STMN2: variants seen among roughly 807,000 people sequenced by gnomAD.
STMN2 encodes stathmin 2.
STMN2 carries 2 observed loss-of-function variants against 24.1 expected under a neutral mutation model. That is an observed-to-expected ratio of 0.08 (90% CI 0.03 to 0.26). The LOEUF is 0.26. Among genes scored for constraint, STMN2 ranks in the 10% least tolerant of loss-of-function variants. STMN2 has a pLI of 1.00. For missense variants in STMN2, 114 were observed against 213.6 expected (o/e 0.53, Z 2.91); for synonymous variants, 83 against 77.5 (o/e 1.07, Z -0.37).
At chr8:79,654,691 C>T (rs1410722572) in intron 3 of STMN2, among the ~76,000 whole-genome samples, 180 bp from the exon 4 acceptor site, 1 of 152,164 alleles carries the variant, frequency 6.6e-6, no homozygotes, top group East Asian at 1.9e-4. Context: ...AACCGCATTT[C>T]CCAACTAGCC....
rs760793798 is a variant in STMN2, at chr8:79,641,354, C to G, written c.116-24C>G. 1.9e-6 allele frequency: 3 copies of G among 1,607,524 alleles called. No individual in the cohort carries two copies. The South Asian group carries it at 3.3e-5, about 18-fold the overall frequency. On this transcript the variant is annotated intron_variant, in intron 2 of 4. Coordinates refer to ENST00000220876, the MANE Select transcript of STMN2 (RefSeq NM_007029.4). ...CATGCTGCAAGCTTTGTATGCTTAA[C>G]ATTCTCAAATGTTCACTTTTCAGAT... is the stretch of plus-strand genomic sequence containing the variant.
At chr8:79,638,581 A>G (rs1009064889) in intron 2 of STMN2, among the ~76,000 whole-genome samples, 21 of 152,242 alleles carry the variant, frequency 1.4e-4, no homozygotes, top group African/African-American at 5.1e-4. Context: ...GGCAAACATT[A>G]TAACAATAAA....
rs78451379 is a variant in STMN2 at position 79,620,958 on chromosome 8, C to A, written c.19+9744C>A. 1.1e-5 allele frequency: 11 copies of A among 985,164 alleles called. No homozygotes were observed. In the East Asian group the frequency reaches 9.1e-4, roughly 82 times the overall value. 61.0% of individuals were successfully genotyped at this position (985,164 alleles called of 1,614,324 possible). A position where few individuals can be genotyped will look rare whatever the true frequency, so the allele number is the denominator to read the frequency against. On this transcript the variant is annotated intron_variant, in intron 1 of 4. Coordinates refer to ENST00000220876, the MANE Select transcript of STMN2 (RefSeq NM_007029.4). ...AACCACACTTGGAGTAGACCTAAAA[C>A]AGCAGTGACCTGTAGGGTCCCCAAG...
At chr8:79,613,143 T>G (rs956916972) in intron 1 of STMN2, among the ~76,000 whole-genome samples, 36 of 151,910 alleles carry the variant, frequency 2.4e-4, no homozygotes, top group African/African-American at 7.5e-4. Context: ...GGGCTTTTTT[T>G]CCCCCAGCCC....
In STMN2 at chr8:79,617,548, A is replaced by T. The variant is rs528454012; in HGVS notation, c.19+6334A>T. On this transcript the variant is annotated intron_variant, in intron 1 of 4. Transcript: ENST00000220876. ...TTTCAGGGTCTCTCAGAAGCTGGGA[A>T]ACTTTCCATTTTTGCAATTTCTTGT... is the stretch of plus-strand genomic sequence containing the variant. 2.6e-5 allele frequency among the ~76,000 whole-genome samples: 4 copies of T among 152,328 alleles called. No individual in the cohort carries two copies. In the South Asian group the frequency reaches 8.3e-4, roughly 32 times the overall value.
At position 79,636,470 on chromosome 8, in the gene STMN2, C is replaced by T. The variant is rs148290476; in HGVS notation, c.20-332C>T. 2.2e-3 allele frequency among the ~76,000 whole-genome samples: 342 copies of T among 152,272 alleles called. 2 individuals are homozygous for T. Among genetic ancestry groups the T allele is most frequent in the African/African-American group, 7.9e-3 (328 of 41,546 alleles). On this transcript the variant is annotated intron_variant, in intron 1 of 4. Coordinates refer to ENST00000220876, the MANE Select transcript of STMN2 (RefSeq NM_007029.4). ...GAGCCTCTCTCTCTGGTAATCATGT[C>T]TGCTTCCACTAATTCCATCTGTTTC...
At chr8:79,634,318 G>C (rs1286439991) in intron 1 of STMN2, among the ~76,000 whole-genome samples, 5 of 151,816 alleles carry the variant, frequency 3.3e-5, no homozygotes, top group Middle Eastern at 3.4e-3. Context: ...TTCATTAACT[G>C]AATAAACAAA....
chr8:79,660,320 G>A (rs1432036182), intron 4 of STMN2, among the ~76,000 whole-genome samples: 1 of 152,138 alleles, frequency 6.6e-6, no homozygotes, highest in Non-Finnish European at 1.5e-5. Context: ...CTTAGTCAAT[G>A]CCAAGACTTC....
At chr8:79,664,084 T>A (rs1031308293) in intron 4 of STMN2, among the ~76,000 whole-genome samples, 4 of 152,138 alleles carry the variant, frequency 2.6e-5, no homozygotes, top group Non-Finnish European at 4.4e-5. Flanking sequence ...TAGAATAAAA[T>A]GACTGCCGAA....
chr8:79,665,681 A>G lies in STMN2; in HGVS notation c.*807A>G, dbSNP rs992802253. On this transcript the variant is annotated 3_prime_UTR_variant, in exon 5 of 5. Transcript: ENST00000220876. The stretch of plus-strand genomic sequence containing the variant: ...CTCTAGTTTAAGTTCTTTTGATGGA[A>G]TGAATTAATTAATGTGTCAGGTGGC... The G allele has an allele frequency of 6.5e-6, 1 of 154,410 alleles. No homozygotes were observed. Among genetic ancestry groups the G allele is most frequent in the Non-Finnish European group, 1.5e-5 (1 of 68,224 alleles). The allele number at this position is 154,410 out of a possible 1,614,324, so 9.6% of individuals were successfully genotyped here.
rs1451441791 is a variant in STMN2 at position 79,641,645 on chromosome 8, C to T, written c.288+95C>T. 46 of 757,896 alleles carry T rather than the reference C, an allele frequency of 6.1e-5. No homozygotes were observed. The African/African-American group carries it at 7.4e-4, about 12-fold the overall frequency. 46.9% of individuals were successfully genotyped at this position (757,896 alleles called of 1,614,324 possible). ...ACATGCACGCACACACACACACACACACACACACACACACACACACACACA... is the reference window on the plus strand; with the variant it reads ...ACATGCACGCACACACACACACACATACACACACACACACACACACACACA... On this transcript the variant is annotated intron_variant, in intron 3 of 4. Coordinates refer to ENST00000220876, the MANE Select transcript of STMN2 (RefSeq NM_007029.4).
chr8:79,638,953 A>G (rs1415001181), intron 2 of STMN2, among the ~76,000 whole-genome samples: 1 of 152,190 alleles, frequency 6.6e-6, no homozygotes, highest in East Asian at 1.9e-4. Flanking sequence ...AAATTTAAGT[A>G]TAATCTTGGA....
chr8:79,628,904 T>C (rs1445630929), intron 1 of STMN2, among the ~76,000 whole-genome samples: 1 of 152,246 alleles, frequency 6.6e-6, no homozygotes, highest in Non-Finnish European at 1.5e-5. Context: ...TACTTACTTG[T>C]ATATTGCTTT....
chr8:79,619,316 G>C (rs1374407431), intron 1 of STMN2, among the ~76,000 whole-genome samples: 1 of 152,104 alleles, frequency 6.6e-6, no homozygotes, highest in African/African-American at 2.4e-5. Context: ...TTTTACAAGA[G>C]AGCATGTTAA....
intron 2 of STMN2, among the ~76,000 whole-genome samples, chr8:79,638,707 C>T (rs960573032): frequency 4.6e-5 from 7 of 152,202 alleles, no homozygotes; most frequent in African/African-American, 1.7e-4. Flanking sequence ...CTTTTTATTT[C>T]CATCTTTTAA....
Position 79,664,941 on chromosome 8 carries a change from C to T in STMN2, c.*67C>T, listed in dbSNP as rs940552573. ...CCTGCCTATATTATAATGGATCATGCGATATCAGGATGGGGAATGTATGAC... is the reference window on the plus strand; with the variant it reads ...CCTGCCTATATTATAATGGATCATGTGATATCAGGATGGGGAATGTATGAC... On this transcript the variant is annotated 3_prime_UTR_variant, in exon 5 of 5. Transcript: ENST00000220876. The T allele has an allele frequency of 3.0e-5, 42 of 1,407,866 alleles. No homozygotes were observed. Among genetic ancestry groups the T allele is most frequent in the South Asian group, 6.7e-5 (5 of 74,206 alleles). The allele number at this position is 1,407,866 out of a possible 1,614,324, so 87.2% of individuals were successfully genotyped here. A position where few individuals can be genotyped will look rare whatever the true frequency, so the allele number is the denominator to read the frequency against.
rs769772370 is a variant in STMN2 at position 79,654,920 on chromosome 8, A to G, written c.338A>G (p.Glu113Gly). The G allele has an allele frequency of 6.2e-7, 1 of 1,613,840 alleles. No homozygotes were observed. Among genetic ancestry groups the G allele is most frequent in the South Asian group, 1.1e-5 (1 of 91,044 alleles). The change falls in exon 4 of 5, where the codon GAG (glutamate) becomes GGG (glycine). Residue 113 changes from glutamate (E) to glycine (G), a missense_variant. Coordinates refer to ENST00000220876, the MANE Select transcript of STMN2 (RefSeq NM_007029.4). ...LKQLAEKREH[E>G]REVLQKALEE... ...CAATTGGCAGAGAAGAGGGAACACG[A>G]GCGAGAAGTCCTTCAGAAGGCTTTG...
chr8:79,655,212 A>G, intron 4 of STMN2, 150 bp downstream of exon 4: 1 of 806,452 alleles, frequency 1.2e-6, no homozygotes, highest in Non-Finnish European at 1.9e-6. Context: ...ACAGTGTAGC[A>G]TTGAGTTAGC....
intron 3 of STMN2, among the ~76,000 whole-genome samples, chr8:79,644,845 T>C (rs910862946): frequency 6.6e-6 from 1 of 152,112 alleles, no homozygotes; most frequent in Non-Finnish European, 1.5e-5. Context: ...TGTGAAACAG[T>C]ACTGTCCAAG....
Sources: gnomAD v4.1 joint callset for allele counts (sites outside exome capture counted in the v4.1 genomes callset) on GRCh38, gnomAD v4.1.1 for gene constraint, MANE v1.5 for transcripts, NCBI Gene and HGNC (gene_info 2026-07-23, HGNC 2026-07-21) for gene names.